CHCHD6: variants seen among roughly 807,000 people sequenced by gnomAD.
The protein encoded by CHCHD6 is coiled-coil-helix-coiled-coil-helix domain containing 6.
Under a neutral mutation model 32.3 loss-of-function variants are expected in CHCHD6, and 28 were observed. The ratio of observed to expected loss-of-function variants is 0.87; its 90% confidence interval spans 0.64 to 1.19. The LOEUF is 1.19. Ranked by LOEUF, CHCHD6 falls within the 50% of genes most tolerant of loss-of-function variation. The pLI, the probability that CHCHD6 is intolerant of heterozygous loss-of-function variation, is 0.00. For missense variants in CHCHD6, 333 were observed against 307.0 expected, an observed-to-expected ratio of 1.08 and a Z score of -0.63; for synonymous variants, 122 against 117.5, an observed-to-expected ratio of 1.04 and a Z score of -0.25.
chr3:126,742,241 C>T (rs781697628), intron 4 of CHCHD6, among the ~76,000 whole-genome samples: 3 of 152,172 alleles, frequency 2.0e-5, no homozygotes, highest in African/African-American at 4.8e-5. Context: ...TTTGCAGCAG[C>T]GGTAGCCACA....
intron 1 of CHCHD6, among the ~76,000 whole-genome samples, chr3:126,712,539 C>T (rs958070532): frequency 6.6e-6 from 1 of 152,112 alleles, no homozygotes; most frequent in African/African-American, 2.4e-5. Flanking sequence ...GGAAAGTAAA[C>T]GTGCTGCACT....
intron 4 of CHCHD6, among the ~76,000 whole-genome samples, chr3:126,769,615 G>A (rs900527705): frequency 6.6e-6 from 1 of 152,084 alleles, no homozygotes; most frequent in Non-Finnish European, 1.5e-5. Flanking sequence ...TGATTCTCCT[G>A]CCTCAGTCTC....
chr3:126,842,274 C>A (rs1328949942), intron 4 of CHCHD6, among the ~76,000 whole-genome samples: 5 of 152,146 alleles, frequency 3.3e-5, no homozygotes, highest in African/African-American at 1.2e-4. Flanking sequence ...CTGGGCCCAT[C>A]CCAGATCCAA....
Position 126,934,100 on chromosome 3 carries a change from G to C in CHCHD6, c.566+19350G>C, listed in dbSNP as rs151067834. On this transcript the variant is annotated intron_variant, in intron 6 of 7. Transcript: ENST00000290913. ...TGAGCTCACAGAAGTCAGACCACTGGAGTGCAAGCATGGAAAAGCCCCTGG... is the reference window on the plus strand; with the variant it reads ...TGAGCTCACAGAAGTCAGACCACTGCAGTGCAAGCATGGAAAAGCCCCTGG... Among the ~76,000 whole-genome samples, 6 of 152,336 alleles carry C rather than the reference G, an allele frequency of 3.9e-5. No homozygotes were observed. In the East Asian group the frequency reaches 1.2e-3, roughly 29 times the overall value.
chr3:126,710,632 G>T (rs1934706383), intron 1 of CHCHD6, among the ~76,000 whole-genome samples: 1 of 152,080 alleles, frequency 6.6e-6, no homozygotes. Flanking sequence ...TTTACTTTCA[G>T]TGTACAAGTC....
At chr3:126,950,248 T>C (rs1050710958) in intron 6 of CHCHD6, among the ~76,000 whole-genome samples, 3 of 151,924 alleles carry the variant, frequency 2.0e-5, no homozygotes, top group African/African-American at 7.3e-5. Context: ...AAAAGTTGTA[T>C]GCAGGGTAGT....
chr3:126,782,854 A>C (rs1459823763), intron 4 of CHCHD6, among the ~76,000 whole-genome samples: 2 of 152,128 alleles, frequency 1.3e-5, no homozygotes, highest in African/African-American at 4.8e-5. Flanking sequence ...AACACACATA[A>C]TCAACAGGCT....
chr3:126,832,499 G>C (rs566234314), intron 4 of CHCHD6, among the ~76,000 whole-genome samples: 1 of 152,262 alleles, frequency 6.6e-6, no homozygotes, highest in African/African-American at 2.4e-5. Flanking sequence ...GATGATGAAA[G>C]CTGGCAAGAT....
chr3:126,923,887 A>G (rs1339466324), intron 6 of CHCHD6, among the ~76,000 whole-genome samples: 3 of 152,240 alleles, frequency 2.0e-5, no homozygotes, highest in Admixed American at 6.5e-5. Context: ...TCCTAGGTGC[A>G]TAGAGTGTAT....
intron 4 of CHCHD6, among the ~76,000 whole-genome samples, chr3:126,780,013 T>C (rs1160503964): frequency 6.6e-6 from 1 of 152,228 alleles, no homozygotes; most frequent in East Asian, 1.9e-4. Context: ...GTCAGTTAAG[T>C]GTGTTCCAGA....
chr3:126,807,171 A>C (rs1939431814), intron 4 of CHCHD6, among the ~76,000 whole-genome samples: 1 of 151,818 alleles, frequency 6.6e-6, no homozygotes, highest in African/African-American at 2.4e-5. Flanking sequence ...CACATTGTGC[A>C]CATGTACCCT....
At chr3:126,850,331 GT>G (rs1329130084) in intron 4 of CHCHD6, among the ~76,000 whole-genome samples, 1 of 152,260 alleles carries the variant, frequency 6.6e-6, no homozygotes, top group Non-Finnish European at 1.5e-5. Context: ...GCTCAATTGT[GT>G]TGCATTGGAC....
chr3:126,946,169 C>T (rs557539928), intron 6 of CHCHD6, among the ~76,000 whole-genome samples: 1 of 152,274 alleles, frequency 6.6e-6, no homozygotes, highest in Non-Finnish European at 1.5e-5. Context: ...CCAGAAAGCT[C>T]TTCAGCCACA....
At chr3:126,761,977 TAG>T (rs1316148880) in intron 4 of CHCHD6, among the ~76,000 whole-genome samples, 4 of 152,242 alleles carry the variant, frequency 2.6e-5, no homozygotes, top group African/African-American at 9.6e-5. Flanking sequence ...TTTATTTCTG[TAG>T]AGTCATTAGT....
intron 4 of CHCHD6, among the ~76,000 whole-genome samples, chr3:126,741,077 ACAGTGCCTGGTGT>A (rs1225807725): frequency 2.6e-5 from 4 of 152,190 alleles, no homozygotes; most frequent in African/African-American, 9.7e-5. Context: ...ACATATATGT[ACAGTGCCTGGTGT>A]CACAAAATGT....
chr3:126,810,098 C>T lies in CHCHD6; in HGVS notation c.412-42549C>T, dbSNP rs116576803. 4.1e-3 allele frequency among the ~76,000 whole-genome samples: 622 copies of T among 152,266 alleles called. 1 individual carries two copies. Among genetic ancestry groups the T allele is most frequent in the African/African-American group, 0.015 (612 of 41,544 alleles). On this transcript the variant is annotated intron_variant, in intron 4 of 7. Transcript: ENST00000290913. ...CTTCATACAACAGCAACACTGGAAGCTACAAGACAATGGATCAATGTCTTT... is the reference window on the plus strand; with the variant it reads ...CTTCATACAACAGCAACACTGGAAGTTACAAGACAATGGATCAATGTCTTT...
At chr3:126,839,027 T>G (rs2107545786) in intron 4 of CHCHD6, among the ~76,000 whole-genome samples, 3 of 152,088 alleles carry the variant, frequency 2.0e-5, no homozygotes, top group Middle Eastern at 6.8e-3. Flanking sequence ...TAGCTGGGGC[T>G]ACAGGCATGC....
At chr3:126,864,593 ACC>A in intron 5 of CHCHD6, among the ~76,000 whole-genome samples, 1 of 112,838 alleles carries the variant, frequency 8.9e-6, no homozygotes, top group Non-Finnish European at 1.8e-5. Flanking sequence ...CACCTCCACC[ACC>A]TCCTTCTCCT....
chr3:126,734,716 G>A lies in CHCHD6; in HGVS notation c.411+1494G>A, dbSNP rs542815649. ...AAATGCAAATGTATAAGCTGCTGGT[G>A]GATCAGAGCTGGTAGATCAGAGACG... is the stretch of plus-strand genomic sequence containing the variant. On this transcript the variant is annotated intron_variant, in intron 4 of 7. Coordinates refer to ENST00000290913, the MANE Select transcript of CHCHD6 (RefSeq NM_032343.3). Among the ~76,000 whole-genome samples the A allele has an allele frequency of 4.6e-5, 7 of 152,334 alleles. No individual in the cohort carries two copies. In the East Asian group the frequency reaches 1.3e-3, roughly 29 times the overall value.
Sources: allele counts gnomAD v4.1 joint callset (sites outside exome capture counted in the v4.1 genomes callset), GRCh38; gene constraint gnomAD v4.1.1; transcripts MANE v1.5; gene names NCBI Gene and HGNC (gene_info 2026-07-23, HGNC 2026-07-21).